The following KMT2D variants were observed in gnomAD, a reference collection of about 807,000 sequenced individuals.
KMT2D encodes the protein histone-lysine N-methyltransferase 2D.
Under a neutral mutation model 512.7 loss-of-function variants are expected in KMT2D, and 55 were observed. The observed-to-expected ratio is 0.11, with a 90% CI of 0.09 to 0.13. The LOEUF (loss-of-function observed/expected upper bound fraction) is 0.13, where lower values mean the gene tolerates loss of function less well. KMT2D is among the 10% of genes least tolerant of loss of function. The pLI, the probability that KMT2D is intolerant of heterozygous loss-of-function variation, is 1.00. For synonymous variants in KMT2D, 2,995 were observed against 2,904.0 expected, an observed-to-expected ratio of 1.03 and a Z score of -1.01; for missense variants, 6,061 against 7,127.9, an observed-to-expected ratio of 0.85 and a Z score of 5.39.
At position 49,053,337 on chromosome 12, in the gene KMT2D, G is replaced by T. The variant is rs1408651389; in HGVS notation, c.840-16C>A. 1 of 1,607,428 alleles carries T rather than the reference G, an allele frequency of 6.2e-7. No individual in the cohort carries two copies. Among genetic ancestry groups the T allele is most frequent in the Non-Finnish European group, 8.5e-7 (1 of 1,174,320 alleles). ...CCCAGGTTTCCTGCAGGTGCACATG[G>T]AACATTACAGTGTCCTCTCTGCCCT... On this transcript the variant is annotated splice_polypyrimidine_tract_variant and intron_variant, in intron 7 of 54. Coordinates refer to ENST00000301067, the MANE Select transcript of KMT2D (RefSeq NM_003482.4).
chr12:49,022,933 C>T lies in KMT2D; in HGVS notation c.16053-58G>A, dbSNP rs568909468. 363 of 1,477,588 alleles carry T rather than the reference C, an allele frequency of 2.5e-4. No individual in the cohort carries two copies. Among genetic ancestry groups the T allele is most frequent in the Admixed American group, 3.9e-4 (17 of 43,416 alleles). 91.5% of individuals were successfully genotyped at this position (1,477,588 alleles called of 1,614,324 possible). The stretch of plus-strand genomic sequence containing the variant: ...TCTCCCTCAGACCAAGTACATACCA[C>T]CCACCTCCTCTGCCACCTCCTGGGA... On this transcript the variant is annotated intron_variant, in intron 51 of 54. Transcript: ENST00000301067. This position sits in a 1 kb window ranked among gnomAD's most constrained non-coding sequence, Gnocchi z 8.6.
In KMT2D at chr12:49,050,195, C is replaced by T. The variant is rs552562610; in HGVS notation, c.3393G>A (p.Pro1131=). The T allele has an allele frequency of 2.0e-5, 32 of 1,613,570 alleles. No homozygotes were observed. The highest frequency in any genetic ancestry group is 2.5e-5 in the Non-Finnish European group (29 of 1,179,864). ...DTAPLDGIDA[P]GSQPEPGQTP... ...TCTGTCCAGGCTCTGGCTGTGAACCCGGAGCATCAATCCCATCCAGAGGGG... is the reference window on the plus strand; with the variant it reads ...TCTGTCCAGGCTCTGGCTGTGAACCTGGAGCATCAATCCCATCCAGAGGGG... Residue 1131 remains proline, a synonymous_variant, in exon 12 of 55, where the codon CCG becomes CCA. Transcript: ENST00000301067.
chr12:49,034,213 T>G lies in KMT2D; in HGVS notation c.10594A>C (p.Ile3532Leu), dbSNP rs1182484389. Residue 3532 changes from isoleucine (I) to leucine (L), a missense_variant, in exon 39 of 55, where the codon ATT (isoleucine) becomes CTT (leucine). This residue lies in a region of KMT2D where 50 missense variants were observed against 119.9 expected (regional missense o/e 0.42). Transcript: ENST00000301067. ...TTCCGGGACTTGCGGTGTACACCAA[T>G]CTGCTCCTCTAGCACCTTCAGCTGC... ...QMQLKVLEEQ[I>L]GVHRKSRKAL... 6.2e-7 allele frequency: 1 copy of G among 1,613,686 alleles called. No homozygotes were observed. Among genetic ancestry groups the G allele is most frequent in the Non-Finnish European group, 8.5e-7 (1 of 1,179,886 alleles).
chr12:49,043,029 C>G (rs771153216), intron 26 of KMT2D, 47 bp downstream of exon 26: 9 of 1,575,814 alleles, frequency 5.7e-6, no homozygotes, highest in Non-Finnish European at 7.9e-6. Context: ...TCCTCCTTCT[C>G]CCATAGAAAA....
In KMT2D at chr12:49,022,076, G is replaced by A. The variant is rs1434343018; in HGVS notation, c.16488C>T (p.Ile5496=). The A allele has an allele frequency of 6.2e-6, 10 of 1,613,880 alleles. No homozygotes were observed. In the Admixed American group the frequency reaches 1.7e-4, roughly 27 times the overall value. The part of the protein sequence containing the change: ...VTFDKEDKII[I]ISSRRIPKGE... ...CTTTGGGGATTCGCCGGCTGGAGAT[G>A]ATGATGATTTTGTCCTCTTTGTCAA... Residue 5496 remains isoleucine (I), a synonymous_variant, in exon 54 of 55, where the codon ATC becomes ATT. Transcript: ENST00000301067. This position sits in a 1 kb window ranked among gnomAD's most constrained non-coding sequence, Gnocchi z 8.6.
At chr12:49,049,287 C>T in intron 12 of KMT2D, 69 bp from the exon 13 acceptor site, 1 of 991,276 alleles carries the variant, frequency 1.0e-6, no homozygotes, top group Non-Finnish European at 1.5e-6. Context: ...CACACTTGAA[C>T]AGAAGAAGTG....
intron 41 of KMT2D, 27 bp downstream of exon 41, chr12:49,030,866 C>T (rs1565770155): frequency 6.2e-7 from 1 of 1,613,420 alleles, no homozygotes; most frequent in Admixed American, 1.7e-5. Context: ...GGGATGGGAC[C>T]AGGGGGACTG....
At position 49,026,650 on chromosome 12, in the gene KMT2D, G is replaced by A. The variant is rs1401520080; in HGVS notation, c.15316C>T (p.Arg5106Cys). ...QRTGATSSCNRMRCPNVYHFA... is the reference protein window; with the variant it reads ...QRTGATSSCNCMRCPNVYHFA... ...TGGTAGACATTGGGGCAACGCATGC[G>A]ATTGCAGCTGCTGGTGGCACCAGTT... The change falls in exon 49 of 55, where the codon CGC becomes TGC. Residue 5106 changes from arginine (R) to cysteine (C), a missense_variant. Around this residue, in one of 16 missense-constraint regions of KMT2D, gnomAD observed 261 missense variants for 440.7 expected, o/e 0.59. Coordinates refer to ENST00000301067, the MANE Select transcript of KMT2D (RefSeq NM_003482.4). The surrounding 1 kb of genome is among the most constrained non-coding windows in gnomAD (Gnocchi z 9.6). The A allele has an allele frequency of 2.5e-6, 4 of 1,614,034 alleles. No individual in the cohort carries two copies. Among genetic ancestry groups the A allele is most frequent in the Non-Finnish European group, 3.4e-6 (4 of 1,179,898 alleles).
chr12:49,057,506 C>G (rs1004149073), intron 1 of KMT2D, among the ~76,000 whole-genome samples: 2 of 152,180 alleles, frequency 1.3e-5, no homozygotes, highest in Non-Finnish European at 2.9e-5. Flanking sequence ...TGAGAGAGTA[C>G]TAACATCCTC....
Position 49,037,263 on chromosome 12 carries a change from CCTGCCCTCCATG to C in KMT2D, c.10081_10092del (p.His3361_Gln3364del). On this transcript the variant is annotated inframe_deletion, in exon 35 of 55. Coordinates refer to ENST00000301067, the MANE Select transcript of KMT2D (RefSeq NM_003482.4). ...GAGCTCTGCTGGGGTACCAAGCCTG[CCTGCCCTCCATG>C]CTGCCCACTTAGCATATGCCCTTGA... is the stretch of plus-strand genomic sequence containing the variant. 3 of 1,613,702 alleles carry C rather than the reference CCTGCCCTCCATG, an allele frequency of 1.9e-6. No homozygotes were observed. In the South Asian group the frequency reaches 3.3e-5, roughly 18 times the overall value.
chr12:49,042,481 C>T lies in KMT2D; in HGVS notation c.5867+80G>A. 6.5e-7 allele frequency: 1 copy of T among 1,542,438 alleles called. No homozygotes were observed. The highest frequency in any genetic ancestry group is 8.8e-7 in the Non-Finnish European group (1 of 1,132,768). Reference sequence around the variant, plus strand: ...GGAGCAGGGGAAGTGCTGCAGGAGTCCGAGGGAGGCAAAGCATGAACTCAG... The same window carrying T: ...GGAGCAGGGGAAGTGCTGCAGGAGTTCGAGGGAGGCAAAGCATGAACTCAG... On this transcript the variant is annotated intron_variant, in intron 28 of 54. Coordinates refer to ENST00000301067, the MANE Select transcript of KMT2D (RefSeq NM_003482.4). This position sits in a 1 kb window ranked among gnomAD's most constrained non-coding sequence, Gnocchi z 4.4.
In KMT2D at chr12:49,022,874, G is replaced by A. The variant is rs2137707913; in HGVS notation, c.16054C>T (p.Pro5352Ser). 1 of 1,587,040 alleles carries A rather than the reference G, an allele frequency of 6.3e-7. No individual in the cohort carries two copies. The highest frequency in any genetic ancestry group is 8.6e-7 in the Non-Finnish European group (1 of 1,163,392). Reference protein sequence around the residue: ...EPKILTHYKRPHTLNSTSMSK... With the variant: ...EPKILTHYKRSHTLNSTSMSK... ...ATGCTGGTGCTGTTCAGGGTATGGG[G>A]CCTGGGAGGTGATATAATCCATGAC... The change falls in exon 52 of 55, where the codon CCC becomes TCC. Residue 5352 changes from proline (P) to serine (S), a missense_variant and splice_region_variant. By Grantham distance (74) the Pro-to-Ser change is moderately conservative. This residue lies in a region of KMT2D where 261 missense variants were observed against 440.7 expected (regional missense o/e 0.59). Transcript: ENST00000301067. The surrounding 1 kb of genome is among the most constrained non-coding windows in gnomAD (Gnocchi z 8.6).
rs772506992 is a variant in KMT2D, at chr12:49,041,456, C to T, written c.6314G>A (p.Arg2105His). The change falls in exon 32 of 55, where the codon CGC becomes CAC. Residue 2105 changes from arginine (R) to histidine (H), a missense_variant. Coordinates refer to ENST00000301067, the MANE Select transcript of KMT2D (RefSeq NM_003482.4). This position sits in a 1 kb window ranked among gnomAD's most constrained non-coding sequence, Gnocchi z 5.4. ...CAGTGCCCCTGGCTGCGGGGGAATGCGGAGATGTAGGGCCGGTCGGTCAGT... is the reference window on the plus strand; with the variant it reads ...CAGTGCCCCTGGCTGCGGGGGAATGTGGAGATGTAGGGCCGGTCGGTCAGT... ...RKTDRPALHL[R>H]IPPQPGALGS... is the part of the protein sequence containing the mutation. 83 of 1,612,962 alleles carry T rather than the reference C, an allele frequency of 5.1e-5. No individual in the cohort carries two copies. Among genetic ancestry groups the T allele is most frequent in the Non-Finnish European group, 6.4e-5 (76 of 1,179,272 alleles).
At position 49,037,120 on chromosome 12, in the gene KMT2D, G is replaced by T. The variant is rs2120474228; in HGVS notation, c.10231+5C>A. ...TAACTTGGCTATGTTACCAGCTGAG[G>T]TTACCTGTATCTGGGAAGAAGCTGT... On this transcript the variant is annotated splice_donor_5th_base_variant and intron_variant, in intron 35 of 54. Coordinates refer to ENST00000301067, the MANE Select transcript of KMT2D (RefSeq NM_003482.4). 4 of 1,560,548 alleles carry T rather than the reference G, an allele frequency of 2.6e-6. No individual in the cohort carries two copies. The highest frequency in any genetic ancestry group is 3.5e-6 in the Non-Finnish European group (4 of 1,147,954).
In KMT2D at chr12:49,040,902, C is replaced by T. The variant is rs886049480; in HGVS notation, c.6868G>A (p.Glu2290Lys). The T allele has an allele frequency of 1.9e-6, 3 of 1,613,856 alleles. No individual in the cohort carries two copies. Among genetic ancestry groups the T allele is most frequent in the African/African-American group, 1.3e-5 (1 of 75,022 alleles). Residue 2290 changes from glutamate (E) to lysine (K), a missense_variant, in exon 32 of 55, where the codon GAA becomes AAA. Glu to Lys is a moderately conservative substitution (Grantham distance 56). Coordinates refer to ENST00000301067, the MANE Select transcript of KMT2D (RefSeq NM_003482.4). ...CTAGGAGAGGATGCCCCAAGCTCTT[C>T]CTTCTTCACCTCTAGGGCCTTCCGG... ...ESRKALEVKK[E>K]ELGASSPSYG... is the part of the protein sequence containing the mutation.
rs955627003 is a variant in KMT2D at position 49,039,026 on chromosome 12, G to A, written c.8367-37C>T. The A allele has an allele frequency of 6.5e-7, 1 of 1,549,300 alleles. No homozygotes were observed. The highest frequency in any genetic ancestry group is 8.7e-7 in the Non-Finnish European group (1 of 1,143,918). On this transcript the variant is annotated intron_variant, in intron 34 of 54. Coordinates refer to ENST00000301067, the MANE Select transcript of KMT2D (RefSeq NM_003482.4). The surrounding 1 kb of genome is among the most constrained non-coding windows in gnomAD (Gnocchi z 5.0). ...TACAGTAGTCAGTAGGATGAAATCA[G>A]ATGAAAAGGAGCAAGAACATGGGCT... is the stretch of plus-strand genomic sequence containing the variant.
In KMT2D at chr12:49,044,448, C is replaced by T. The variant is rs372347705; in HGVS notation, c.5038G>A (p.Glu1680Lys). 6.8e-6 allele frequency: 11 copies of T among 1,613,866 alleles called. No homozygotes were observed. Among genetic ancestry groups the T allele is most frequent in the Non-Finnish European group, 9.3e-6 (11 of 1,179,898 alleles). Residue 1680 changes from glutamate to lysine, a missense_variant, in exon 21 of 55, where the codon GAG becomes AAG. Physicochemically the swap from Glu to Lys is moderately conservative, Grantham distance 56. This residue lies in a region of KMT2D where 640 missense variants were observed against 814.3 expected (regional missense o/e 0.79). Coordinates refer to ENST00000301067, the MANE Select transcript of KMT2D (RefSeq NM_003482.4). The surrounding 1 kb of genome is among the most constrained non-coding windows in gnomAD (Gnocchi z 6.4). ...TTGCGTTTTTTGCTTTCCTCGGTCT[C>T]CTCTTTGCCAGGCTCCACATCAGGG... ...VSPDVEPGKEETEESKKRKRK... is the reference protein window; with the variant it reads ...VSPDVEPGKEKTEESKKRKRK...
Position 49,044,023 on chromosome 12 carries a change from AC to A in KMT2D, c.5189-26del, listed in dbSNP as rs1943667914. The stretch of plus-strand genomic sequence containing the variant: ...ACTGTGGACAGAACGGAAGTGTCAG[AC>A]TCGGGTTGAGAGCATGCTGCTCCCA... On this transcript the variant is annotated intron_variant, in intron 22 of 54. Transcript: ENST00000301067. This position sits in a 1 kb window ranked among gnomAD's most constrained non-coding sequence, Gnocchi z 6.4. 1 of 1,612,514 alleles carries A rather than the reference AC, an allele frequency of 6.2e-7. No individual in the cohort carries two copies. The highest frequency in any genetic ancestry group is 1.3e-5 in the African/African-American group (1 of 74,878).
Position 49,046,094 on chromosome 12 carries a change from G to A in KMT2D, c.4664C>T (p.Ser1555Phe), listed in dbSNP as rs1210295814. Residue 1555 changes from serine to phenylalanine, a missense_variant, in exon 18 of 55, where the codon TCC (serine) becomes TTC (phenylalanine). By Grantham distance (155) the Ser-to-Phe change is radical. Coordinates refer to ENST00000301067, the MANE Select transcript of KMT2D (RefSeq NM_003482.4). This position sits in a 1 kb window ranked among gnomAD's most constrained non-coding sequence, Gnocchi z 4.2. ...AGGCTTTACCACGTAGGGCTGGCAG[G>A]AGACACAGTCAAAGCCTTCATCGGC... ...QAADEGFDCV[S>F]CQPYVVKPVA... 3.7e-6 allele frequency: 6 copies of A among 1,611,424 alleles called. No individual in the cohort carries two copies. The highest frequency in any genetic ancestry group is 1.3e-5 in the African/African-American group (1 of 74,844).
Sources: allele counts gnomAD v4.1 joint callset (sites outside exome capture counted in the v4.1 genomes callset), GRCh38; gene constraint gnomAD v4.1.1; regional missense constraint gnomAD v4.1.1; non-coding constraint Gnocchi (gnomAD v3.1); transcripts MANE v1.5; gene names NCBI Gene and HGNC (gene_info 2026-07-23, HGNC 2026-07-21).